Variants in SH2D4A observed in about 807,000 individuals in gnomAD.
The protein encoded by SH2D4A is SH2 domain-containing protein 4A.
SH2D4A carries 70 observed loss-of-function variants against 64.7 expected under a neutral mutation model. That is an observed-to-expected ratio of 1.08 (90% CI 0.89 to 1.32). The LOEUF is 1.32. Ranked by LOEUF, SH2D4A falls within the 40% of genes most tolerant of loss-of-function variation. The pLI is 0.00. For synonymous variants in SH2D4A, 268 were observed against 200.7 expected, an observed-to-expected ratio of 1.34 and a Z score of -2.83; for missense variants, 706 against 540.1, an observed-to-expected ratio of 1.31 and a Z score of -3.04.
intron 5 of SH2D4A, among the ~76,000 whole-genome samples, chr8:19,359,715 TA>T (rs2052848770): frequency 1.3e-5 from 2 of 152,220 alleles, no homozygotes; most frequent in South Asian, 4.1e-4. Context: ...ATGAAAACAG[TA>T]AATGCACAGA....
intron 2 of SH2D4A, among the ~76,000 whole-genome samples, chr8:19,320,473 A>T (rs550278661): frequency 2.0e-5 from 3 of 151,922 alleles, no homozygotes; most frequent in Admixed American, 6.6e-5. Context: ...AAAAATAAAA[A>T]ATTAGCTGGG....
Position 19,313,760 on chromosome 8 carries a change from C to T in SH2D4A, c.-268C>T. 1 of 1,509,500 alleles carries T rather than the reference C, an allele frequency of 6.6e-7. No homozygotes were observed. The highest frequency in any genetic ancestry group is 8.8e-7 in the Non-Finnish European group (1 of 1,134,572). The allele number at this position is 1,509,500 out of a possible 1,614,324, so 93.5% of individuals were successfully genotyped here. ...TTTCCCTCCCTCCCTTCCCCGACGG[C>T]TTCTGGCGGCCAAGTGGATGTGGCG... On this transcript the variant is annotated 5_prime_UTR_variant, in exon 1 of 10. Transcript: ENST00000265807.
At chr8:19,390,873 G>A (rs1267943406) in intron 8 of SH2D4A, among the ~76,000 whole-genome samples, 2 of 152,162 alleles carry the variant, frequency 1.3e-5, no homozygotes, top group East Asian at 3.9e-4. Context: ...AAAGGAATTT[G>A]ACCTTACTTA....
chr8:19,394,884 G>C lies in SH2D4A; in HGVS notation c.*242G>C. On this transcript the variant is annotated 3_prime_UTR_variant, in exon 10 of 10. Transcript: ENST00000265807. ...AGAGTCTCAATTTCAGCAAGTACCT[G>C]TCATGAAGGGTATGACCTTAATGAT... 2.8e-6 allele frequency: 1 copy of C among 355,786 alleles called. No individual in the cohort carries two copies. The highest frequency in any genetic ancestry group is 5.1e-6 in the Non-Finnish European group (1 of 197,934). 22.0% of individuals were successfully genotyped at this position (355,786 alleles called of 1,614,324 possible).
At chr8:19,391,175 C>T (rs1201361751) in intron 8 of SH2D4A, among the ~76,000 whole-genome samples, 1 of 152,146 alleles carries the variant, frequency 6.6e-6, no homozygotes, top group Admixed American at 6.5e-5. Flanking sequence ...CATGTGCAGT[C>T]CCCGCATGGG....
rs139562696 is a variant in SH2D4A, at chr8:19,386,330, A to T, written c.1049-6988A>T. Among the ~76,000 whole-genome samples, 684 of 152,340 alleles carry T rather than the reference A, an allele frequency of 4.5e-3. 8 individuals are homozygous for T. The highest frequency in any genetic ancestry group is 0.016 in the African/African-American group (663 of 41,572). On this transcript the variant is annotated intron_variant, in intron 8 of 9. Coordinates refer to ENST00000265807, the MANE Select transcript of SH2D4A (RefSeq NM_022071.4). Reference sequence around the variant, plus strand: ...GGAAGAGCTAGCTTTTCTGCAGAACATTCTATGTAATGCTGGCTTTTTCCT... The same window carrying T: ...GGAAGAGCTAGCTTTTCTGCAGAACTTTCTATGTAATGCTGGCTTTTTCCT...
intron 7 of SH2D4A, among the ~76,000 whole-genome samples, chr8:19,370,291 T>C (rs764639739): frequency 1.3e-5 from 2 of 152,078 alleles, no homozygotes; most frequent in Non-Finnish European, 2.9e-5. Flanking sequence ...TGTGGTTTAA[T>C]TGTTGATTTT....
chr8:19,361,180 T>TG lies in SH2D4A; in HGVS notation c.595-23_595-22insG, dbSNP rs759002980. 50 of 1,412,478 alleles carry TG rather than the reference T, an allele frequency of 3.5e-5. 2 individuals are homozygous for TG. The Admixed American group carries it at 1.0e-3, about 29-fold the overall frequency. 87.5% of individuals were successfully genotyped at this position (1,412,478 alleles called of 1,614,324 possible). On this transcript the variant is annotated intron_variant, in intron 5 of 9. Transcript: ENST00000265807. ...TTTTTGTTTTGTTTTGTTTTTGTTT[T>TG]TTTTTGTTTTGTTTTTAAACAGAAG... is the stretch of plus-strand genomic sequence containing the variant.
At chr8:19,392,141 G>C (rs1483779427) in intron 8 of SH2D4A, among the ~76,000 whole-genome samples, 1 of 152,184 alleles carries the variant, frequency 6.6e-6, no homozygotes, top group African/African-American at 2.4e-5. Context: ...ACTAACTGGG[G>C]AAAAGGCTGG....
At chr8:19,354,991 G>C (rs923812952) in intron 4 of SH2D4A, among the ~76,000 whole-genome samples, 1 of 152,180 alleles carries the variant, frequency 6.6e-6, no homozygotes, top group Non-Finnish European at 1.5e-5. Flanking sequence ...GCTGCTCTGC[G>C]TCTGTTCTAT....
At chr8:19,357,050 G>C (rs113824606) in intron 4 of SH2D4A, among the ~76,000 whole-genome samples, 153 bp from the exon 5 acceptor site, 1 of 152,158 alleles carries the variant, frequency 6.6e-6, no homozygotes, top group Non-Finnish European at 1.5e-5. Context: ...AGTCAGGATC[G>C]GCCCAGGAAC....
At chr8:19,333,195 G>A (rs2117208487) in intron 3 of SH2D4A, 81 bp downstream of exon 3, 1 of 1,464,114 alleles carries the variant, frequency 6.8e-7, no homozygotes, top group Non-Finnish European at 9.1e-7. Context: ...CTTGCTCACA[G>A]TATCAGGTGG....
intron 5 of SH2D4A, among the ~76,000 whole-genome samples, chr8:19,360,395 C>T (rs2153648092): frequency 6.6e-6 from 1 of 151,064 alleles, no homozygotes; most frequent in South Asian, 2.1e-4. Flanking sequence ...CAGTGGATCA[C>T]TTGAGGTCAG....
At chr8:19,337,872 A>T (rs1342286395) in intron 4 of SH2D4A, among the ~76,000 whole-genome samples, 1 of 152,170 alleles carries the variant, frequency 6.6e-6, no homozygotes, top group Non-Finnish European at 1.5e-5. Flanking sequence ...ACAATTCAAG[A>T]TGAGATTTGG....
In SH2D4A at chr8:19,319,590, C is replaced by T. The variant is rs2052150749; in HGVS notation, c.43C>T (p.Leu15=). Residue 15 remains leucine, a synonymous_variant, in exon 2 of 10, where the codon CTA becomes TTA. Transcript: ENST00000265807. The part of the protein sequence containing the change: ...ILSEMYIDPD[L]LAELSEEQKQ... ...GTCGGAGATGTACATAGATCCTGATCTACTGGCAGAGCTCAGCGAAGAACA... is the reference window on the plus strand; with the variant it reads ...GTCGGAGATGTACATAGATCCTGATTTACTGGCAGAGCTCAGCGAAGAACA... 1.2e-6 allele frequency: 2 copies of T among 1,603,506 alleles called. No homozygotes were observed. Among genetic ancestry groups the T allele is most frequent in the African/African-American group, 1.3e-5 (1 of 74,362 alleles).
At chr8:19,353,868 T>G (rs548728098) in intron 4 of SH2D4A, among the ~76,000 whole-genome samples, 111 of 152,152 alleles carry the variant, frequency 7.3e-4, no homozygotes, top group Non-Finnish European at 1.2e-3. Flanking sequence ...CCTTGAAAAG[T>G]AGAATTTTTA....
intron 7 of SH2D4A, among the ~76,000 whole-genome samples, chr8:19,366,819 T>C (rs1438207974): frequency 6.6e-6 from 1 of 152,190 alleles, no homozygotes; most frequent in African/African-American, 2.4e-5. Flanking sequence ...TCAACCTTTT[T>C]GATTCCACAG....
At chr8:19,353,833 A>C (rs1430724019) in intron 4 of SH2D4A, among the ~76,000 whole-genome samples, 1 of 152,018 alleles carries the variant, frequency 6.6e-6, no homozygotes, top group Non-Finnish European at 1.5e-5. Context: ...TTAACCCTTT[A>C]GAATAATGGC....
At chr8:19,376,120 C>T (rs897013388) in intron 8 of SH2D4A, among the ~76,000 whole-genome samples, 1 of 152,124 alleles carries the variant, frequency 6.6e-6, no homozygotes, top group African/African-American at 2.4e-5. Context: ...ATTACAGAGG[C>T]TTGGTAAGTC....
Sources: gnomAD v4.1 joint callset for allele counts (sites outside exome capture counted in the v4.1 genomes callset) on GRCh38, gnomAD v4.1.1 for gene constraint, MANE v1.5 for transcripts, NCBI Gene and HGNC (gene_info 2026-07-23, HGNC 2026-07-21) for gene names.